The following WNK1 variants were observed in gnomAD, a reference collection of about 807,000 sequenced individuals.
WNK1 encodes the protein WNK lysine deficient protein kinase 1, also known as serine/threonine-protein kinase WNK1.
In WNK1, 38 loss-of-function variants were observed where a neutral mutation model predicts 222.8. That is an observed-to-expected ratio of 0.17 (90% CI 0.13 to 0.22). The LOEUF is 0.22. Among genes scored for constraint, WNK1 ranks in the 10% least tolerant of loss-of-function variants. WNK1 has a pLI of 1.00. For synonymous variants in WNK1, 1,090 were observed against 1,092.9 expected (o/e 1.00, Z 0.05); for missense variants, 2,348 against 2,918.4 (o/e 0.80, Z 4.50).
Position 788,609 on chromosome 12 carries a change from C to T in WNK1, c.760-25033C>T, listed in dbSNP as rs905039805. On this transcript the variant is annotated intron_variant, in intron 1 of 27. Transcript: ENST00000315939. Reference sequence around the variant, plus strand: ...ATATTTAAAAATGAAAGTGAGAGGACCGGGTGAGGTGGCTCACGCCTGTAA... The same window carrying T: ...ATATTTAAAAATGAAAGTGAGAGGATCGGGTGAGGTGGCTCACGCCTGTAA... Among the ~76,000 whole-genome samples the T allele has an allele frequency of 2.6e-5, 4 of 152,262 alleles. No homozygotes were observed. In the East Asian group the frequency reaches 7.7e-4, roughly 29 times the overall value.
At chr12:764,568 G>A (rs1347265123) in intron 1 of WNK1, among the ~76,000 whole-genome samples, 2 of 139,474 alleles carry the variant, frequency 1.4e-5, no homozygotes, top group Non-Finnish European at 3.2e-5. Context: ...CCGGGGAGGT[G>A]GAGGTTGTGG....
intron 4 of WNK1, among the ~76,000 whole-genome samples, chr12:846,559 G>A (rs896775622): frequency 2.6e-5 from 4 of 152,116 alleles, no homozygotes; most frequent in African/African-American, 9.7e-5. Context: ...GGGATCATAG[G>A]GTATGTTCAA....
intron 22 of WNK1, 103 bp from the exon 23 acceptor site, chr12:894,458 CT>C: frequency 1.0e-6 from 1 of 967,798 alleles, no homozygotes; most frequent in Non-Finnish European, 1.7e-6. Context: ...CCTCTAACAG[CT>C]TTCCTCATGT....
At chr12:762,021 T>C (rs1320976516) in intron 1 of WNK1, among the ~76,000 whole-genome samples, 1 of 145,670 alleles carries the variant, frequency 6.9e-6, no homozygotes, top group Non-Finnish European at 1.5e-5. Flanking sequence ...TCATATAACC[T>C]ACAGTAGTAC....
intron 4 of WNK1, among the ~76,000 whole-genome samples, chr12:849,902 C>A (rs1456835768): frequency 5.2e-4 from 77 of 149,220 alleles, no homozygotes; most frequent in African/African-American, 1.9e-3. Context: ...TGAACTCATC[C>A]TTTTTTATGG....
Position 754,213 on chromosome 12 carries a change from C to G in WNK1, c.648C>G (p.Asn216Lys), listed in dbSNP as rs369056336. 3 of 1,613,766 alleles carry G rather than the reference C, an allele frequency of 1.9e-6. 1 individual carries two copies. The South Asian group carries it at 3.3e-5, about 18-fold the overall frequency. The change falls in exon 1 of 28, where the codon AAC becomes AAG. Residue 216 changes from asparagine (N) to lysine (K), a missense_variant. This residue lies in a region of WNK1 where 57 missense variants were observed against 219.0 expected (regional missense o/e 0.26). Transcript: ENST00000315939. Reference protein sequence around the residue: ...ELETKAVGMSNDGRFLKFDIE... With the variant: ...ELETKAVGMSKDGRFLKFDIE... ...AGACCAAGGCCGTGGGAATGTCTAA[C>G]GATGGCCGCTTTCTCAAGTTTGACA...
intron 1 of WNK1, among the ~76,000 whole-genome samples, chr12:762,514 C>A (rs1941164471): frequency 6.8e-6 from 1 of 147,202 alleles, no homozygotes; most frequent in African/African-American, 2.4e-5. Context: ...TTAGTTGAAT[C>A]CATGGATGCA....
At chr12:830,239 T>A in intron 4 of WNK1, 79 bp downstream of exon 4, 1 of 1,517,906 alleles carries the variant, frequency 6.6e-7, no homozygotes, top group Non-Finnish European at 9.1e-7. Flanking sequence ...TCAAACCATG[T>A]AAAAGAGGAC....
At chr12:899,718 C>T (rs919552477) in intron 25 of WNK1, among the ~76,000 whole-genome samples, 2 of 152,186 alleles carry the variant, frequency 1.3e-5, no homozygotes, top group Non-Finnish European at 2.9e-5. Flanking sequence ...TAATTTTAAA[C>T]ACCCATTGCT....
intron 8 of WNK1, among the ~76,000 whole-genome samples, chr12:867,082 C>T (rs1466329133): frequency 6.6e-6 from 1 of 152,118 alleles, no homozygotes; most frequent in African/African-American, 2.4e-5. Flanking sequence ...AAGATTGTCA[C>T]TGCACTCCAG....
intron 1 of WNK1, among the ~76,000 whole-genome samples, chr12:756,401 A>T (rs981671745): frequency 6.6e-6 from 1 of 152,214 alleles, no homozygotes; most frequent in Non-Finnish European, 1.5e-5. Flanking sequence ...AGGTTTTCTT[A>T]GAACTCGTAA....
At chr12:755,194 G>T (rs1939813892) in intron 1 of WNK1, among the ~76,000 whole-genome samples, 1 of 152,204 alleles carries the variant, frequency 6.6e-6, no homozygotes, top group South Asian at 2.1e-4. Context: ...TACTGAAGCA[G>T]CTTGCTTAAA....
At chr12:800,988 T>C (rs2153991440) in intron 1 of WNK1, among the ~76,000 whole-genome samples, 1 of 152,356 alleles carries the variant, frequency 6.6e-6, no homozygotes, top group East Asian at 1.9e-4. Flanking sequence ...TCATTGGTTT[T>C]TGGAGGAAAG....
chr12:873,084 T>A (rs1952294509), intron 9 of WNK1, among the ~76,000 whole-genome samples: 1 of 152,212 alleles, frequency 6.6e-6, no homozygotes, highest in Non-Finnish European at 1.5e-5. Flanking sequence ...AAATTACAAG[T>A]CACATAAAGC....
chr12:757,333 T>TAA lies in WNK1; in HGVS notation c.759+3019_759+3020dup, dbSNP rs368419754. 8.5e-3 allele frequency among the ~76,000 whole-genome samples: 605 copies of TAA among 71,492 alleles called. 17 individuals are homozygous for TAA. The highest frequency in any genetic ancestry group is 0.027 in the African/African-American group (439 of 16,256). The allele number at this position is 71,492 out of a possible 152,430, so 46.9% of individuals were successfully genotyped here. ...TCTTTTTTTTTTTTTTTTTTTTTTT[T>TAA]AAAAAAAAAAAGAGACGGAGTCTTG... On this transcript the variant is annotated intron_variant, in intron 1 of 27. Coordinates refer to ENST00000315939, the MANE Select transcript of WNK1 (RefSeq NM_018979.4).
At chr12:851,572 ACAAG>A in intron 4 of WNK1, 1 of 1,194,064 alleles carries the variant, frequency 8.4e-7, no homozygotes, top group South Asian at 1.6e-5. Context: ...CTAGTGTTAA[ACAAG>A]AAACTGTGTT....
chr12:902,568 TA>T (rs1322598139), intron 26 of WNK1, among the ~76,000 whole-genome samples: 1 of 152,188 alleles, frequency 6.6e-6, no homozygotes, highest in African/African-American at 2.4e-5. Flanking sequence ...CTTAGTCTAA[TA>T]AAGATCAAAG....
chr12:880,182 A>G, intron 11 of WNK1, 151 bp downstream of exon 11: 1 of 825,134 alleles, frequency 1.2e-6, no homozygotes, highest in Non-Finnish European at 2.0e-6. Context: ...AAAGGATTGG[A>G]TAATGATGTT....
intron 1 of WNK1, among the ~76,000 whole-genome samples, chr12:797,864 G>T (rs1433609731): frequency 6.6e-6 from 1 of 150,624 alleles, no homozygotes; most frequent in South Asian, 2.1e-4. Flanking sequence ...CAGGATAATC[G>T]CTTGAACCCG....
Sources: gnomAD v4.1 joint callset for allele counts (sites outside exome capture counted in the v4.1 genomes callset) on GRCh38, gnomAD v4.1.1 for gene constraint, gnomAD v4.1.1 regional missense constraint, MANE v1.5 for transcripts, NCBI Gene and HGNC (gene_info 2026-07-23, HGNC 2026-07-21) for gene names.